Variants in P4HA1 observed in about 807,000 individuals in gnomAD.
P4HA1 encodes prolyl 4-hydroxylase subunit alpha 1.
A neutral mutation model predicts 72.8 loss-of-function variants in P4HA1; 24 were observed. That is an observed-to-expected ratio of 0.33 (90% CI 0.24 to 0.46). The LOEUF (loss-of-function observed/expected upper bound fraction) is 0.46, where lower values mean the gene tolerates loss of function less well. Among genes scored for constraint, P4HA1 ranks in the 20% least tolerant of loss-of-function variants. The probability of loss-of-function intolerance (pLI) is 1.00; values close to 1 mark genes in which losing one functional copy is unlikely to be tolerated. For missense variants in P4HA1, 446 were observed against 640.6 expected (o/e 0.70, Z 3.28); for synonymous variants, 201 against 218.8 (o/e 0.92, Z 0.72).
intron 12 of P4HA1, among the ~76,000 whole-genome samples, chr10:73,013,457 T>C (rs1171852127): frequency 1.3e-5 from 2 of 152,202 alleles, no homozygotes; most frequent in African/African-American, 4.8e-5. Flanking sequence ...AGCCTCAACC[T>C]TAGCCTTCAA....
chr10:73,080,909 C>G (rs1171218625), intron 1 of P4HA1, among the ~76,000 whole-genome samples: 1 of 152,184 alleles, frequency 6.6e-6, no homozygotes, highest in African/African-American at 2.4e-5. Flanking sequence ...GCCTGGGCAA[C>G]AGAGCGAGAC....
intron 10 of P4HA1, among the ~76,000 whole-genome samples, chr10:73,029,328 T>TGTA (rs1454716729): frequency 6.6e-6 from 1 of 151,424 alleles, no homozygotes; most frequent in Non-Finnish European, 1.5e-5. Flanking sequence ...GGAGAATCGC[T>TGTA]TGAACCAGGA....
chr10:73,095,712 G>A lies in P4HA1; in HGVS notation c.-33+1054C>T, dbSNP rs185308575. Among the ~76,000 whole-genome samples the A allele has an allele frequency of 5.9e-5, 9 of 152,206 alleles. No individual in the cohort carries two copies. In the East Asian group the frequency reaches 1.5e-3, roughly 26 times the overall value. On this transcript the variant is annotated intron_variant, in intron 1 of 14. Transcript: ENST00000394890. ...ATTGGCAAGTCTCTTTGGCCTTTTA[G>A]ATCAATTCCTAAAAGAGGATCTAGC... is the stretch of plus-strand genomic sequence containing the variant.
intron 1 of P4HA1, among the ~76,000 whole-genome samples, chr10:73,093,873 AAT>A (rs1167437294): frequency 0.012 from 353 of 29,306 alleles, 6 homozygotes; most frequent in Non-Finnish European, 0.015. Flanking sequence ...AAAAAAAAAA[AAT>A]ATATATATAT....
At chr10:73,077,734 A>C (rs1362375639) in intron 1 of P4HA1, among the ~76,000 whole-genome samples, 1 of 152,002 alleles carries the variant, frequency 6.6e-6, no homozygotes, top group Non-Finnish European at 1.5e-5. Flanking sequence ...TAATCCCAGT[A>C]CTTTGGGAGG....
chr10:73,094,625 A>G (rs1034703690), intron 1 of P4HA1, among the ~76,000 whole-genome samples: 2 of 152,180 alleles, frequency 1.3e-5, no homozygotes, highest in Non-Finnish European at 2.9e-5. Context: ...GAAGGCTCAC[A>G]AGCTTTATGG....
intron 7 of P4HA1, 130 bp downstream of exon 7, chr10:73,050,923 A>C: frequency 2.6e-6 from 2 of 766,834 alleles, no homozygotes; most frequent in Non-Finnish European, 4.4e-6. Flanking sequence ...GACATACTGT[A>C]ATATTTTATG....
At position 73,072,033 on chromosome 10, in the gene P4HA1, T is replaced by G; in HGVS notation, c.321A>C (p.Ser107=). 1 of 1,607,796 alleles carries G rather than the reference T, an allele frequency of 6.2e-7. No homozygotes were observed. The highest frequency in any genetic ancestry group is 8.5e-7 in the Non-Finnish European group (1 of 1,175,668). The change falls in exon 4 of 15, where the codon TCA becomes TCC. Residue 107 remains serine (S), a synonymous_variant. Coordinates refer to ENST00000394890, the MANE Select transcript of P4HA1 (RefSeq NM_001017962.3). Reference sequence around the variant, plus strand: ...CAGGAATCTCTTCAGACTTACCATCTGACATATCCTTAAGGACCAGATTCT... The same window carrying G: ...CAGGAATCTCTTCAGACTTACCATCGGACATATCCTTAAGGACCAGATTCT... The part of the protein sequence containing the change: ...ELENLVLKDM[S]DGFISNLTIQ...
chr10:73,058,774 CTT>C (rs151028824), intron 5 of P4HA1, among the ~76,000 whole-genome samples: 11,020 of 123,102 alleles, frequency 0.09, 300 homozygotes, highest in East Asian at 0.25. Context: ...TTATAGTATG[CTT>C]TTTTTTTTTT....
chr10:73,014,681 T>C (rs1035288037), intron 11 of P4HA1, among the ~76,000 whole-genome samples: 2 of 152,184 alleles, frequency 1.3e-5, no homozygotes, highest in Non-Finnish European at 2.9e-5. Context: ...AGCTACATAT[T>C]ATTTTAAAAA....
intron 5 of P4HA1, among the ~76,000 whole-genome samples, chr10:73,058,089 A>AG (rs1254573030): frequency 1.1e-4 from 13 of 118,346 alleles, no homozygotes; most frequent in South Asian, 7.0e-4. Context: ...GACTCCGTCC[A>AG]GAAAAAAAAA....
chr10:73,018,558 C>A (rs1472224346), intron 10 of P4HA1, among the ~76,000 whole-genome samples: 1 of 152,126 alleles, frequency 6.6e-6, no homozygotes, highest in Non-Finnish European at 1.5e-5. Flanking sequence ...TGTACCTGGC[C>A]TCAGAGTCTG....
chr10:73,089,208 CTAA>C (rs1841978361), intron 1 of P4HA1, among the ~76,000 whole-genome samples: 2 of 152,102 alleles, frequency 1.3e-5, no homozygotes, highest in African/African-American at 4.8e-5. Context: ...GTTTTTAGTG[CTAA>C]TGAGATGGGA....
intron 14 of P4HA1, 44 bp downstream of exon 14, chr10:73,009,762 GA>G (rs1839872379): frequency 8.8e-7 from 1 of 1,133,580 alleles, no homozygotes; most frequent in Non-Finnish European, 1.3e-6. Context: ...TCCAAAATAA[GA>G]AACAAAAATT....
intron 9 of P4HA1, among the ~76,000 whole-genome samples, chr10:73,041,082 A>T (rs1242295014): frequency 6.6e-6 from 1 of 152,178 alleles, no homozygotes; most frequent in Non-Finnish European, 1.5e-5. Context: ...TTCCTTAAGG[A>T]TAATTGCTCC....
At chr10:73,085,386 A>T (rs1015352916) in intron 1 of P4HA1, among the ~76,000 whole-genome samples, 1 of 146,692 alleles carries the variant, frequency 6.8e-6, no homozygotes, top group Non-Finnish European at 1.5e-5. Flanking sequence ...GAACTCAATA[A>T]TTTTTTTTTT....
At chr10:73,076,623 G>A (rs1435795546) in intron 1 of P4HA1, among the ~76,000 whole-genome samples, 3 of 152,048 alleles carry the variant, frequency 2.0e-5, no homozygotes, top group Non-Finnish European at 4.4e-5. Context: ...GGCAGATGAG[G>A]ATATAAACTA....
intron 5 of P4HA1, among the ~76,000 whole-genome samples, chr10:73,058,591 A>C (rs1399706565): frequency 6.6e-6 from 1 of 152,122 alleles, no homozygotes; most frequent in Non-Finnish European, 1.5e-5. Flanking sequence ...CCATGCTTCC[A>C]TCTCTAAGTT....
chr10:73,035,136 T>C (rs893063775), intron 9 of P4HA1, among the ~76,000 whole-genome samples: 1 of 152,044 alleles, frequency 6.6e-6, no homozygotes, highest in African/African-American at 2.4e-5. Flanking sequence ...CTAGATCACA[T>C]GGTAACCCTA....
Sources: gnomAD v4.1 joint callset for allele counts (sites outside exome capture counted in the v4.1 genomes callset) on GRCh38, gnomAD v4.1.1 for gene constraint, MANE v1.5 for transcripts, NCBI Gene and HGNC (gene_info 2026-07-23, HGNC 2026-07-21) for gene names.